LRRTM4: variants seen among roughly 807,000 people sequenced by gnomAD.
LRRTM4 encodes leucine rich repeat transmembrane neuronal 4, also known as leucine-rich repeat transmembrane neuronal protein 4.
A neutral mutation model predicts 47.6 loss-of-function variants in LRRTM4; 25 were observed. The ratio of observed to expected loss-of-function variants is 0.53; its 90% CI spans 0.38 to 0.73. The LOEUF (loss-of-function observed/expected upper bound fraction) is 0.73, where lower values mean the gene tolerates loss of function less well. LRRTM4 is among the 30% of genes least tolerant of loss of function. The pLI, the probability that LRRTM4 is intolerant of heterozygous loss-of-function variation, is 0.00. For missense variants in LRRTM4, 638 were observed against 713.4 expected, an observed-to-expected ratio of 0.89 and a Z score of 1.20; for synonymous variants, 311 against 269.5, an observed-to-expected ratio of 1.15 and a Z score of -1.51.
At chr2:76,954,136 C>G (rs538684760) in intron 3 of LRRTM4, among the ~76,000 whole-genome samples, 1 of 151,710 alleles carries the variant, frequency 6.6e-6, no homozygotes, top group Non-Finnish European at 1.5e-5. Flanking sequence ...TAGGTTTTTT[C>G]AAAGTGTATG....
intron 3 of LRRTM4, among the ~76,000 whole-genome samples, chr2:76,966,262 T>A (rs987895894): frequency 9.3e-5 from 14 of 150,832 alleles, no homozygotes; most frequent in Non-Finnish European, 1.8e-4. Context: ...AATTCTAGTA[T>A]CAGGTGAAAT....
intron 3 of LRRTM4, among the ~76,000 whole-genome samples, chr2:76,804,159 A>C (rs191140030): frequency 2.9e-4 from 44 of 152,276 alleles, no homozygotes; most frequent in Admixed American, 1.9e-3. Flanking sequence ...GAGTCCTCCA[A>C]GTCTTCCTAC....
chr2:77,500,569 T>C (rs1248612584), intron 3 of LRRTM4, among the ~76,000 whole-genome samples: 1 of 151,616 alleles, frequency 6.6e-6, no homozygotes, highest in Non-Finnish European at 1.5e-5. Context: ...ATAAATTTTC[T>C]CCTGTTTGCA....
intron 3 of LRRTM4, among the ~76,000 whole-genome samples, chr2:77,207,866 CTTTTTTTT>C (rs754540782): frequency 7.0e-5 from 3 of 42,594 alleles, no homozygotes; most frequent in African/African-American, 1.0e-4. Context: ...GGGAAAGTGG[CTTTTTTTT>C]TTTTTTTTTT....
chr2:76,785,419 C>G (rs529150526), intron 3 of LRRTM4, among the ~76,000 whole-genome samples: 3 of 152,074 alleles, frequency 2.0e-5, no homozygotes, highest in African/African-American at 7.2e-5. Context: ...AGCTCAGGAG[C>G]ACTTCCAGTA....
At chr2:77,448,814 G>A (rs1676148596) in intron 3 of LRRTM4, among the ~76,000 whole-genome samples, 1 of 152,130 alleles carries the variant, frequency 6.6e-6, no homozygotes, top group African/African-American at 2.4e-5. Context: ...ACCTAACAAA[G>A]TTAAGAATGC....
At chr2:76,790,965 T>C (rs184747450) in intron 3 of LRRTM4, among the ~76,000 whole-genome samples, 2 of 152,248 alleles carry the variant, frequency 1.3e-5, no homozygotes, top group Admixed American at 6.5e-5. Context: ...ACTTTAAACA[T>C]GGAAAACATG....
chr2:76,757,812 T>G (rs2104072415), intron 3 of LRRTM4, among the ~76,000 whole-genome samples: 1 of 152,266 alleles, frequency 6.6e-6, no homozygotes, highest in East Asian at 1.9e-4. Flanking sequence ...TGATTATTAC[T>G]TGGGCACAAA....
chr2:77,517,577 T>C, intron 3 of LRRTM4: 1 of 979,436 alleles, frequency 1.0e-6, no homozygotes, highest in Non-Finnish European at 1.2e-6. Flanking sequence ...AGCCAGTGCA[T>C]AAAAACCTTT....
At chr2:77,015,672 G>A (rs1252512479) in intron 3 of LRRTM4, among the ~76,000 whole-genome samples, 2 of 151,904 alleles carry the variant, frequency 1.3e-5, no homozygotes, top group East Asian at 1.9e-4. Context: ...TATTTTTGAA[G>A]TAGGAAATAA....
chr2:77,156,964 A>G (rs1672577611), intron 3 of LRRTM4, among the ~76,000 whole-genome samples: 1 of 151,840 alleles, frequency 6.6e-6, no homozygotes, highest in Non-Finnish European at 1.5e-5. Context: ...AATATTTCAT[A>G]ATAACCTTTG....
rs76107760 is a variant in LRRTM4 at position 76,871,669 on chromosome 2, G to C, written c.1552-122753C>G. ...AACTGTCACTTTGTTCTAACTAATA[G>C]AATACAGAATGATGGGATGTAACTT... On this transcript the variant is annotated intron_variant, in intron 3 of 3. Transcript: ENST00000409884. Among the ~76,000 whole-genome samples, 5 of 152,272 alleles carry C rather than the reference G, an allele frequency of 3.3e-5. No homozygotes were observed. The East Asian group carries it at 9.7e-4, about 29-fold the overall frequency.
intron 3 of LRRTM4, among the ~76,000 whole-genome samples, chr2:76,806,300 C>T (rs561827160): frequency 3.3e-5 from 5 of 152,020 alleles, no homozygotes; most frequent in Admixed American, 2.0e-4. Flanking sequence ...AAAATAAAAC[C>T]GGCCCGTGCG....
intron 3 of LRRTM4, among the ~76,000 whole-genome samples, chr2:77,092,168 A>G (rs1236630818): frequency 6.6e-6 from 1 of 152,064 alleles, no homozygotes; most frequent in African/African-American, 2.4e-5. Flanking sequence ...CGGCTCCTTC[A>G]GCTGTACTCA....
intron 3 of LRRTM4, among the ~76,000 whole-genome samples, chr2:76,907,399 C>G (rs1313065676): frequency 6.7e-6 from 1 of 149,996 alleles, no homozygotes; most frequent in Non-Finnish European, 1.5e-5. Flanking sequence ...AGGAAAGATC[C>G]AAAATTGACA....
intron 3 of LRRTM4, among the ~76,000 whole-genome samples, chr2:77,177,198 T>A (rs982476386): frequency 1.3e-5 from 2 of 152,238 alleles, no homozygotes; most frequent in African/African-American, 2.4e-5. Flanking sequence ...CACTTAATTC[T>A]GTTCACTGCT....
Position 76,900,260 on chromosome 2 carries a change from AAAAC to A in LRRTM4, c.1552-151348_1552-151345del, listed in dbSNP as rs1673577751. 5.3e-5 allele frequency among the ~76,000 whole-genome samples: 8 copies of A among 152,010 alleles called. No homozygotes were observed. In the South Asian group the frequency reaches 1.7e-3, roughly 31 times the overall value. On this transcript the variant is annotated intron_variant, in intron 3 of 3. Transcript: ENST00000409884. ...AAAACTAATTGAAAAACCAAAACCA[AAAAC>A]AAACAAACAAAAATATACTAGTAGA...
chr2:76,827,496 G>A (rs1235771197), intron 3 of LRRTM4, among the ~76,000 whole-genome samples: 4 of 151,756 alleles, frequency 2.6e-5, no homozygotes, highest in African/African-American at 9.7e-5. Flanking sequence ...GATTTAATCT[G>A]AGGACCATAT....
chr2:76,987,706 C>T (rs1676851949), intron 3 of LRRTM4, among the ~76,000 whole-genome samples: 1 of 151,732 alleles, frequency 6.6e-6, no homozygotes, highest in South Asian at 2.1e-4. Flanking sequence ...GGCTTTGCTC[C>T]ACACAGTTTC....
Sources: gnomAD v4.1 joint callset for allele counts (sites outside exome capture counted in the v4.1 genomes callset) on GRCh38, gnomAD v4.1.1 for gene constraint, MANE v1.5 for transcripts, NCBI Gene and HGNC (gene_info 2026-07-23, HGNC 2026-07-21) for gene names.